GLG1: variants seen among roughly 807,000 people sequenced by gnomAD.
The protein encoded by GLG1 is Golgi apparatus protein 1.
A neutral mutation model predicts 160.5 loss-of-function variants in GLG1; 38 were observed. That is an observed-to-expected ratio of 0.24 (90% CI 0.18 to 0.31). The LOEUF (loss-of-function observed/expected upper bound fraction) is 0.31, where lower values mean the gene tolerates loss of function less well. Among genes scored for constraint, GLG1 ranks in the 10% least tolerant of loss-of-function variants. The pLI is 1.00. For missense variants in GLG1, 1,373 were observed against 1,505.2 expected (o/e 0.91, Z 1.45); for synonymous variants, 644 against 543.4 (o/e 1.19, Z -2.57).
chr16:74,499,126 T>C (rs1283802311), intron 4 of GLG1, among the ~76,000 whole-genome samples: 1 of 152,150 alleles, frequency 6.6e-6, no homozygotes, highest in Non-Finnish European at 1.5e-5. Flanking sequence ...CTCATTTGAG[T>C]TGTAGAACAT....
At chr16:74,465,962 G>A in intron 18 of GLG1, 149 bp from the exon 19 acceptor site, 3 of 754,780 alleles carry the variant, frequency 4.0e-6, no homozygotes, top group Non-Finnish European at 4.4e-6. Context: ...CCTTACCAAA[G>A]ATAAGGATTT....
Position 74,540,033 on chromosome 16 carries a change from ATTT to A in GLG1, c.439-7883_439-7881del, listed in dbSNP as rs1491357969. Among the ~76,000 whole-genome samples, 148 of 24,864 alleles carry A rather than the reference ATTT, an allele frequency of 6.0e-3. 50 individuals are homozygous for A. The highest frequency in any genetic ancestry group is 7.8e-3 in the Admixed American group (9 of 1,160). 16.3% of individuals were successfully genotyped at this position (24,864 alleles called of 152,430 possible). On this transcript the variant is annotated intron_variant, in intron 1 of 25. Coordinates refer to ENST00000422840, the MANE Select transcript of GLG1 (RefSeq NM_001145667.2). ...TATTTTATATATATATATTATATAT[ATTT>A]TATATATATATTATATATATTTTAT...
intron 1 of GLG1, among the ~76,000 whole-genome samples, chr16:74,599,139 A>G (rs901769491): frequency 6.6e-5 from 10 of 152,192 alleles, no homozygotes; most frequent in Non-Finnish European, 1.2e-4. Context: ...CGACAATGCT[A>G]CTTTACAGGT....
chr16:74,550,828 A>G (rs1253218280), intron 1 of GLG1, among the ~76,000 whole-genome samples: 3 of 152,202 alleles, frequency 2.0e-5, no homozygotes, highest in Non-Finnish European at 2.9e-5. Context: ...GGAATGCTAC[A>G]TTTTGATAAT....
chr16:74,594,724 C>T (rs1958259931), intron 1 of GLG1, among the ~76,000 whole-genome samples: 1 of 151,648 alleles, frequency 6.6e-6, no homozygotes, highest in Non-Finnish European at 1.5e-5. Flanking sequence ...TACTCATGAA[C>T]AAGATTAGGA....
At chr16:74,497,124 C>T (rs1203212807) in intron 4 of GLG1, among the ~76,000 whole-genome samples, 2 of 151,782 alleles carry the variant, frequency 1.3e-5, no homozygotes, top group East Asian at 2.0e-4. Context: ...ACTAAAAATA[C>T]TAAAAATACA....
chr16:74,508,028 C>T lies in GLG1; in HGVS notation c.558+811G>A, dbSNP rs552515819. On this transcript the variant is annotated intron_variant, in intron 3 of 25. Transcript: ENST00000422840. ...ACTGCTTTAAAAGAATAAAACATAA[C>T]TGATCTAGTATTAGAAAGTTTGAGA... Among the ~76,000 whole-genome samples the T allele has an allele frequency of 2.0e-5, 3 of 152,024 alleles. No homozygotes were observed. In the East Asian group the frequency reaches 5.8e-4, roughly 29 times the overall value.
At chr16:74,590,180 T>C (rs1284917932) in intron 1 of GLG1, among the ~76,000 whole-genome samples, 1 of 151,976 alleles carries the variant, frequency 6.6e-6, no homozygotes, top group Non-Finnish European at 1.5e-5. Context: ...TTGTATTTTT[T>C]AGTAGAGACA....
chr16:74,522,013 G>A (rs894573380), intron 2 of GLG1, among the ~76,000 whole-genome samples: 5 of 152,170 alleles, frequency 3.3e-5, no homozygotes, highest in Admixed American at 2.6e-4. Flanking sequence ...CATCCCGATT[G>A]GGCATTTATA....
chr16:74,540,644 C>T (rs1339074488), intron 1 of GLG1, among the ~76,000 whole-genome samples: 1 of 151,466 alleles, frequency 6.6e-6, no homozygotes, highest in Non-Finnish European at 1.5e-5. Context: ...TTTCCTCCCA[C>T]CACTCATTTT....
At position 74,456,649 on chromosome 16, in the gene GLG1, C is replaced by A; in HGVS notation, c.3372G>T (p.Lys1124Asn). The change falls in exon 25 of 26, where the codon AAG (lysine) becomes AAT (asparagine). Residue 1124 changes from lysine to asparagine, a missense_variant and splice_region_variant. Lys to Asn is a moderately conservative substitution (Grantham distance 94). Coordinates refer to ENST00000422840, the MANE Select transcript of GLG1 (RefSeq NM_001145667.2). ...AAAAGGAGATTCTCTTGGTCATTAC[C>A]TTTGCTGCGTAACTCCACATCTCAA... Reference protein sequence around the residue: ...DRIEMWSYAAKVAPADGFSDL... With the variant: ...DRIEMWSYAANVAPADGFSDL... The A allele has an allele frequency of 6.3e-7, 1 of 1,584,310 alleles. No individual in the cohort carries two copies. Among genetic ancestry groups the A allele is most frequent in the Non-Finnish European group, 8.6e-7 (1 of 1,158,706 alleles).
At chr16:74,502,124 G>A (rs2016427598) in intron 4 of GLG1, among the ~76,000 whole-genome samples, 1 of 152,300 alleles carries the variant, frequency 6.6e-6, no homozygotes, top group East Asian at 1.9e-4. Flanking sequence ...AGGGCAAAGG[G>A]ACAAATGGGT....
intron 2 of GLG1, among the ~76,000 whole-genome samples, chr16:74,529,551 C>G (rs1440931966): frequency 6.6e-6 from 1 of 151,412 alleles, no homozygotes; most frequent in Admixed American, 6.6e-5. Flanking sequence ...ATATGAATTA[C>G]CTCTTCTCTG....
At chr16:74,542,723 A>ACGGG in intron 1 of GLG1, among the ~76,000 whole-genome samples, 1 of 106,104 alleles carries the variant, frequency 9.4e-6, no homozygotes, top group East Asian at 2.8e-4. Flanking sequence ...GAAGGGAAGG[A>ACGGG]AGGAAGGAAG....
intron 22 of GLG1, 36 bp from the exon 23 acceptor site, chr16:74,459,825 T>A: frequency 2.0e-6 from 2 of 1,021,338 alleles, no homozygotes; most frequent in Non-Finnish European, 3.0e-6. Context: ...GCTACCCCAC[T>A]GAGCACAGAA....
intron 1 of GLG1, among the ~76,000 whole-genome samples, chr16:74,579,119 T>C (rs1438068528): frequency 6.6e-6 from 1 of 152,176 alleles, no homozygotes; most frequent in African/African-American, 2.4e-5. Flanking sequence ...AGTTCCAGGC[T>C]GTAGTGAGCT....
intron 8 of GLG1, among the ~76,000 whole-genome samples, chr16:74,487,023 C>T (rs1181269413): frequency 6.6e-6 from 1 of 151,620 alleles, no homozygotes; most frequent in Non-Finnish European, 1.5e-5. Context: ...AAGTGATTCT[C>T]CTGCCTCAGC....
At chr16:74,496,072 C>T (rs373052206) in intron 5 of GLG1, among the ~76,000 whole-genome samples, 2 of 152,014 alleles carry the variant, frequency 1.3e-5, no homozygotes, top group Admixed American at 1.3e-4. Flanking sequence ...AAGACCAGTC[C>T]GGGCAATACA....
rs768320443 is a variant in GLG1, at chr16:74,503,734, C to A, written c.571G>T (p.Ala191Ser). The A allele has an allele frequency of 2.5e-6, 4 of 1,608,608 alleles. No homozygotes were observed. The highest frequency in any genetic ancestry group is 3.4e-6 in the Non-Finnish European group (4 of 1,175,156). The change falls in exon 4 of 26, where the codon GCT becomes TCT. Residue 191 changes from alanine (A) to serine (S), a missense_variant. Around this residue, in one of 4 missense-constraint regions of GLG1, gnomAD observed 322 missense variants for 254.6 expected, o/e 1.26. Coordinates refer to ENST00000422840, the MANE Select transcript of GLG1 (RefSeq NM_001145667.2). ...TAACCTTTTCCAACCGGTTCATCAG[C>A]ACATTCTTTAATCTGCTCAAAATAA... is the stretch of plus-strand genomic sequence containing the variant. ...KSTITEIKEC[A>S]DEPVGKGYMV...
Sources: allele counts gnomAD v4.1 joint callset (sites outside exome capture counted in the v4.1 genomes callset), GRCh38; gene constraint gnomAD v4.1.1; regional missense constraint gnomAD v4.1.1; transcripts MANE v1.5; gene names NCBI Gene and HGNC (gene_info 2026-07-23, HGNC 2026-07-21).